PLPPR5: variants seen among roughly 807,000 people sequenced by gnomAD.
PLPPR5 encodes the protein phospholipid phosphatase related 5, also known as phospholipid phosphatase-related protein type 5.
A neutral mutation model predicts 33.9 loss-of-function variants in PLPPR5; 16 were observed. The ratio of observed to expected loss-of-function variants is 0.47; its 90% CI spans 0.32 to 0.72. The LOEUF (loss-of-function observed/expected upper bound fraction) is 0.72. Among genes scored for constraint, PLPPR5 ranks in the 30% least tolerant of loss-of-function variants. The pLI is 0.03. For synonymous variants in PLPPR5, 163 were observed against 150.3 expected (o/e 1.08, Z -0.62); for missense variants, 301 against 406.7 (o/e 0.74, Z 2.23).
At chr1:98,975,843 A>T (rs1299912207) in intron 1 of PLPPR5, among the ~76,000 whole-genome samples, 1 of 151,988 alleles carries the variant, frequency 6.6e-6, no homozygotes, top group Non-Finnish European at 1.5e-5. Context: ...TGAACAACAT[A>T]TGTTAATATT....
At chr1:98,958,917 G>A (rs188125010) in intron 1 of PLPPR5, among the ~76,000 whole-genome samples, 56 of 152,106 alleles carry the variant, frequency 3.7e-4, no homozygotes, top group East Asian at 1.2e-3. Context: ...CAGCTTCCAC[G>A]GGGTCTCCAT....
In PLPPR5 at chr1:98,941,168, G is replaced by A. The variant is rs151257781; in HGVS notation, c.621+11902C>T. 1.7e-3 allele frequency among the ~76,000 whole-genome samples: 265 copies of A among 151,942 alleles called. 3 individuals carry two copies. Among genetic ancestry groups the A allele is most frequent in the Non-Finnish European group, 2.8e-3 (193 of 67,914 alleles). On this transcript the variant is annotated intron_variant, in intron 3 of 5. Transcript: ENST00000263177. ...AAGAAAAGATCTAGAACAGAAACTCGGTAATTGCTGGTAACAGTTTTCTGA... is the reference window on the plus strand; with the variant it reads ...AAGAAAAGATCTAGAACAGAAACTCAGTAATTGCTGGTAACAGTTTTCTGA...
chr1:98,970,739 G>C (rs1651628597), intron 1 of PLPPR5, among the ~76,000 whole-genome samples: 1 of 151,874 alleles, frequency 6.6e-6, no homozygotes, highest in African/African-American at 2.4e-5. Context: ...AGGTCTCACA[G>C]CTAGTAAATG....
chr1:98,998,984 C>G (rs1652730651), intron 1 of PLPPR5, among the ~76,000 whole-genome samples: 1 of 152,072 alleles, frequency 6.6e-6, no homozygotes, highest in African/African-American at 2.4e-5. Context: ...AATGTTAGCC[C>G]ACTTGGACAA....
chr1:98,925,695 A>AT lies in PLPPR5; in HGVS notation c.622-3638dup, dbSNP rs556989656. Among the ~76,000 whole-genome samples, 563 of 73,476 alleles carry AT rather than the reference A, an allele frequency of 7.7e-3. 4 individuals carry two copies. The highest frequency in any genetic ancestry group is 0.061 in the East Asian group (124 of 2,030). 48.2% of individuals were successfully genotyped at this position (73,476 alleles called of 152,430 possible). A position where few individuals can be genotyped will look rare whatever the true frequency, so the allele number is the denominator to read the frequency against. ...AATGCTATTACAAAAATAAATGGAAATAAAAAAACACAAATATTTATTAAG... is the reference window on the plus strand; with the variant it reads ...AATGCTATTACAAAAATAAATGGAAATTAAAAAAACACAAATATTTATTAAG... On this transcript the variant is annotated intron_variant, in intron 3 of 5. Coordinates refer to ENST00000263177, the MANE Select transcript of PLPPR5 (RefSeq NM_001037317.2).
chr1:98,937,813 T>C (rs996541851), intron 3 of PLPPR5, among the ~76,000 whole-genome samples: 2 of 152,186 alleles, frequency 1.3e-5, no homozygotes, highest in African/African-American at 4.8e-5. Flanking sequence ...TATGCTAAGT[T>C]TGGGGTGGCT....
intron 3 of PLPPR5, among the ~76,000 whole-genome samples, chr1:98,947,404 T>C (rs575459994): frequency 6.6e-6 from 1 of 152,180 alleles, no homozygotes; most frequent in Admixed American, 6.5e-5. Context: ...AGAAGCCAAG[T>C]AAAATTAAGG....
intron 2 of PLPPR5, 70 bp from the exon 3 acceptor site, chr1:98,953,390 T>TGA: frequency 2.0e-6 from 3 of 1,475,274 alleles, no homozygotes; most frequent in South Asian, 2.4e-5. Context: ...TGTGTGTGTG[T>TGA]GTGTGAATTT....
At chr1:98,907,539 ATC>A (rs1648953633) in intron 5 of PLPPR5, among the ~76,000 whole-genome samples, 1 of 152,136 alleles carries the variant, frequency 6.6e-6, no homozygotes, top group African/African-American at 2.4e-5. Flanking sequence ...CTATTAAAAT[ATC>A]TCTTTCTCTC....
At chr1:98,926,747 G>A (rs1466230324) in intron 3 of PLPPR5, among the ~76,000 whole-genome samples, 1 of 152,096 alleles carries the variant, frequency 6.6e-6, no homozygotes, top group Non-Finnish European at 1.5e-5. Context: ...GCTACACACA[G>A]ATCACTAATA....
At chr1:98,977,647 A>T (rs1466498904) in intron 1 of PLPPR5, among the ~76,000 whole-genome samples, 7 of 151,264 alleles carry the variant, frequency 4.6e-5, no homozygotes, top group Admixed American at 2.0e-4. Context: ...ATTGAACCTT[A>T]TCTGGTTCCT....
intron 1 of PLPPR5, among the ~76,000 whole-genome samples, chr1:98,993,514 A>C (rs1389886168): frequency 6.6e-6 from 1 of 152,106 alleles, no homozygotes; most frequent in Non-Finnish European, 1.5e-5. Flanking sequence ...CTCTTCATTC[A>C]ATTTAGTAAC....
chr1:98,907,826 G>C (rs927922510), intron 5 of PLPPR5, among the ~76,000 whole-genome samples: 7 of 152,148 alleles, frequency 4.6e-5, no homozygotes, highest in Admixed American at 1.3e-4. Flanking sequence ...ACAATTTTTT[G>C]TTGTTTGTTG....
intron 3 of PLPPR5, among the ~76,000 whole-genome samples, chr1:98,933,157 C>A (rs1650045319): frequency 6.7e-6 from 1 of 149,686 alleles, no homozygotes; most frequent in Non-Finnish European, 1.5e-5. Flanking sequence ...ACAAACAAAA[C>A]AAAAATTTGT....
At chr1:98,908,798 C>A (rs1161114754) in intron 5 of PLPPR5, among the ~76,000 whole-genome samples, 1 of 152,110 alleles carries the variant, frequency 6.6e-6, no homozygotes, top group African/African-American at 2.4e-5. Context: ...GCCAAGATTT[C>A]CATGCACAAT....
At chr1:98,920,644 C>T (rs1056160779) in intron 4 of PLPPR5, among the ~76,000 whole-genome samples, 3 of 141,096 alleles carry the variant, frequency 2.1e-5, no homozygotes, top group Admixed American at 7.3e-5. Flanking sequence ...ACTACTTTAC[C>T]GCAGGAGATT....
At chr1:98,893,152 G>C in intron 5 of PLPPR5, 48 bp from the exon 6 acceptor site, 2 of 1,572,822 alleles carry the variant, frequency 1.3e-6, no homozygotes, top group Non-Finnish European at 8.7e-7. Context: ...GGGAACATTA[G>C]CTTTGTAAAA....
At chr1:98,995,549 G>C (rs1428121061) in intron 1 of PLPPR5, among the ~76,000 whole-genome samples, 3 of 152,026 alleles carry the variant, frequency 2.0e-5, no homozygotes, top group African/African-American at 7.2e-5. Flanking sequence ...TAGGGTACAG[G>C]ACTCTAGTAA....
At chr1:98,914,990 CT>C in intron 4 of PLPPR5, 70 bp from the exon 5 acceptor site, 1 of 1,410,956 alleles carries the variant, frequency 7.1e-7, no homozygotes, top group Non-Finnish European at 9.7e-7. Flanking sequence ...TTTTGAGGAG[CT>C]TAATAAAGCT....
Sources: gnomAD v4.1 joint callset for allele counts (sites outside exome capture counted in the v4.1 genomes callset) on GRCh38, gnomAD v4.1.1 for gene constraint, MANE v1.5 for transcripts, NCBI Gene and HGNC (gene_info 2026-07-23, HGNC 2026-07-21) for gene names.